RASGRP3: variants seen among roughly 807,000 people sequenced by gnomAD.
RASGRP3 encodes the protein RAS guanyl releasing protein 3, also known as ras guanyl-releasing protein 3.
Under a neutral mutation model 82.7 loss-of-function variants are expected in RASGRP3, and 54 were observed. That is an observed-to-expected ratio of 0.65 (90% confidence interval 0.52 to 0.82). The LOEUF (loss-of-function observed/expected upper bound fraction) is 0.82, where lower values mean the gene tolerates loss of function less well. Among genes scored for constraint, RASGRP3 ranks in the 40% least tolerant of loss-of-function variants. The pLI, the probability that RASGRP3 is intolerant of heterozygous loss-of-function variation, is 0.00. For synonymous variants in RASGRP3, 309 were observed against 300.5 expected (o/e 1.03, Z -0.29); for missense variants, 861 against 828.9 (o/e 1.04, Z -0.48).
chr2:33,548,151 G>A (rs1352926778), intron 13 of RASGRP3, among the ~76,000 whole-genome samples: 1 of 152,040 alleles, frequency 6.6e-6, no homozygotes, highest in Non-Finnish European at 1.5e-5. Flanking sequence ...CACAAGGTCA[G>A]GAGATCGAGA....
chr2:33,537,083 A>C (rs371755862), intron 11 of RASGRP3, among the ~76,000 whole-genome samples: 5 of 151,988 alleles, frequency 3.3e-5, no homozygotes, highest in East Asian at 1.9e-4. Context: ...GTGAAGGCAG[A>C]GGTTTTATTG....
chr2:33,450,454 C>CA (rs1665725746), intron 2 of RASGRP3, among the ~76,000 whole-genome samples: 1 of 152,220 alleles, frequency 6.6e-6, no homozygotes, highest in Non-Finnish European at 1.5e-5. Context: ...TTAGATTTCA[C>CA]AAAAAATGAG....
chr2:33,473,025 G>C (rs1667150370), upstream of RASGRP3, among the ~76,000 whole-genome samples: 1 of 151,822 alleles, frequency 6.6e-6, no homozygotes, highest in African/African-American at 2.4e-5. Flanking sequence ...ATTTTTTCAG[G>C]AGTTTAGTTG....
At position 33,471,341 on chromosome 2, in the gene RASGRP3, A is replaced by ATTTTTTTTT. The variant is rs70940204; in HGVS notation, c.-261+23411_-261+23419dup. On this transcript the variant is annotated intron_variant, in intron 2 of 18. Coordinates refer to the RASGRP3 transcript ENST00000402538. The stretch of plus-strand genomic sequence containing the variant: ...TAGGCATCTGCCATCACACTGGGCT[A>ATTTTTTTTT]TTTTTTTTTTTTTTTTTTTTTGTAG... Among the ~76,000 whole-genome samples the ATTTTTTTTT allele has an allele frequency of 7.5e-5, 8 of 106,788 alleles. 1 individual carries two copies. The highest frequency in any genetic ancestry group is 1.4e-4 in the Non-Finnish European group (8 of 55,648). The allele number at this position is 106,788 out of a possible 152,430, so 70.1% of individuals were successfully genotyped here. A position where few individuals can be genotyped will look rare whatever the true frequency, so the allele number is the denominator to read the frequency against.
At chr2:33,437,775 T>C (rs1040145825) in intron 1 of RASGRP3, among the ~76,000 whole-genome samples, 2 of 151,940 alleles carry the variant, frequency 1.3e-5, no homozygotes, top group Non-Finnish European at 1.5e-5. Flanking sequence ...TGTTAGAAAG[T>C]ATAATATGTT....
chr2:33,506,085 T>C (rs758480306), intron 1 of RASGRP3, among the ~76,000 whole-genome samples: 2 of 152,216 alleles, frequency 1.3e-5, no homozygotes, highest in Non-Finnish European at 2.9e-5. Context: ...AACAAGGCCT[T>C]GTGAGATGAG....
At chr2:33,500,880 G>A (rs1669806910) in intron 1 of RASGRP3, among the ~76,000 whole-genome samples, 1 of 152,194 alleles carries the variant, frequency 6.6e-6, no homozygotes, top group Non-Finnish European at 1.5e-5. Flanking sequence ...GTTGCAGTGA[G>A]CCAAGATCGC....
rs944131697 is a variant in RASGRP3 at position 33,470,442 on chromosome 2, C to T, written c.-261+22499C>T. ...TTGCCCAGGCTGGAGTGCAGTGGCG[C>T]GATCTCAGCTCACTGCAAGCTCCGC... On this transcript the variant is annotated intron_variant, in intron 2 of 18. Transcript: ENST00000402538. Among the ~76,000 whole-genome samples, 68 of 149,590 alleles carry T rather than the reference C, an allele frequency of 4.5e-4. 1 individual carries two copies. Among genetic ancestry groups the T allele is most frequent in the African/African-American group, 1.2e-3 (49 of 40,524 alleles).
chr2:33,537,804 GT>G (rs1442033665), intron 11 of RASGRP3, among the ~76,000 whole-genome samples: 1 of 152,224 alleles, frequency 6.6e-6, no homozygotes, highest in African/African-American at 2.4e-5. Flanking sequence ...AAAGGATTGT[GT>G]TCTGTGCTTG....
At chr2:33,562,500 G>A (rs561059452) in intron 17 of RASGRP3, among the ~76,000 whole-genome samples, 1 of 151,914 alleles carries the variant, frequency 6.6e-6, no homozygotes, top group South Asian at 2.1e-4. Flanking sequence ...TGAACTCCTG[G>A]CCTCAAGTGA....
At chr2:33,457,781 T>C (rs1666119905) in intron 2 of RASGRP3, among the ~76,000 whole-genome samples, 1 of 152,170 alleles carries the variant, frequency 6.6e-6, no homozygotes, top group Admixed American at 6.5e-5. Flanking sequence ...TTCCTGTTCC[T>C]GGTGGGCAGT....
chr2:33,538,680 A>C (rs1379341103), intron 11 of RASGRP3, among the ~76,000 whole-genome samples: 1 of 152,194 alleles, frequency 6.6e-6, no homozygotes, highest in Non-Finnish European at 1.5e-5. Context: ...TGGTATTATG[A>C]ATATACAAAA....
chr2:33,455,167 T>C (rs748442776), intron 2 of RASGRP3, among the ~76,000 whole-genome samples: 1 of 152,194 alleles, frequency 6.6e-6, no homozygotes, highest in Non-Finnish European at 1.5e-5. Context: ...TAAAACAGTC[T>C]TATGGATGTA....
chr2:33,527,791 G>C (rs1190528036), intron 10 of RASGRP3, among the ~76,000 whole-genome samples: 1 of 152,052 alleles, frequency 6.6e-6, no homozygotes, highest in Non-Finnish European at 1.5e-5. Context: ...CACTGCTTTG[G>C]CTGAAGCCTG....
intron 2 of RASGRP3, among the ~76,000 whole-genome samples, chr2:33,460,830 A>T (rs551205168): frequency 1.1e-3 from 171 of 152,284 alleles, no homozygotes; most frequent in Non-Finnish European, 2.0e-3. Context: ...TAAGTATTTT[A>T]TAACATAAAT....
chr2:33,442,715 T>C (rs914634977), intron 1 of RASGRP3, among the ~76,000 whole-genome samples: 2 of 152,168 alleles, frequency 1.3e-5, no homozygotes, highest in African/African-American at 4.8e-5. Flanking sequence ...GTTTTAGTAA[T>C]AATTGACAAT....
chr2:33,557,216 A>AC (rs942228722), intron 15 of RASGRP3, among the ~76,000 whole-genome samples: 30 of 152,150 alleles, frequency 2.0e-4, no homozygotes, highest in African/African-American at 7.2e-4. Flanking sequence ...ACATTTTTCT[A>AC]CCCCAAGTAG....
intron 1 of RASGRP3, among the ~76,000 whole-genome samples, chr2:33,506,949 G>A (rs1005070968): frequency 3.9e-5 from 6 of 152,184 alleles, no homozygotes; most frequent in Non-Finnish European, 7.4e-5. Context: ...ATGACAGTAT[G>A]ACTTTGGTGG....
In RASGRP3 at chr2:33,549,633, T is replaced by C. The variant is rs1261453543; in HGVS notation, c.1424T>C (p.Met475Thr). ...QDGLISKDEM[M>T]AYFLRAKSQL... Reference sequence around the variant, plus strand: ...GGCCTAATTAGTAAAGATGAAATGATGGCTTACTTCCTGAGAGCTAAATCC... The same window carrying C: ...GGCCTAATTAGTAAAGATGAAATGACGGCTTACTTCCTGAGAGCTAAATCC... The change falls in exon 14 of 18, where the codon ATG (methionine) becomes ACG (threonine). Residue 475 changes from methionine to threonine, a missense_variant. Met to Thr is a moderately conservative substitution (Grantham distance 81). Transcript: ENST00000403687. 6.2e-7 allele frequency: 1 copy of C among 1,613,366 alleles called. No individual in the cohort carries two copies. Among genetic ancestry groups the C allele is most frequent in the Admixed American group, 1.7e-5 (1 of 59,974 alleles).
Sources: allele counts gnomAD v4.1 joint callset (sites outside exome capture counted in the v4.1 genomes callset), GRCh38; gene constraint gnomAD v4.1.1; transcripts MANE v1.5; gene names NCBI Gene and HGNC (gene_info 2026-07-23, HGNC 2026-07-21).